Variants in FGD4 observed in about 807,000 individuals in gnomAD.
The protein encoded by FGD4 is FYVE, RhoGEF and PH domain containing 4.
Under a neutral mutation model 102.0 loss-of-function variants are expected in FGD4, and 42 were observed. That is an observed-to-expected ratio of 0.41 (90% CI 0.32 to 0.53). The LOEUF (loss-of-function observed/expected upper bound fraction) is 0.53. Among genes scored for constraint, FGD4 ranks in the 20% least tolerant of loss-of-function variants. The pLI is 0.21. For synonymous variants in FGD4, 380 were observed against 375.7 expected, an observed-to-expected ratio of 1.01 and a Z score of -0.13; for missense variants, 902 against 1,078.2, an observed-to-expected ratio of 0.84 and a Z score of 2.29.
chr12:32,562,557 C>CGGCCTT (rs1944703933), intron 1 of FGD4, among the ~76,000 whole-genome samples: 1 of 152,108 alleles, frequency 6.6e-6, no homozygotes, highest in Non-Finnish European at 1.5e-5. Context: ...GAGGACCCTG[C>CGGCCTT]GGCCTTCCGC....
In FGD4 at chr12:32,565,307, T is replaced by C. The variant is rs183665865; in HGVS notation, c.319+1018T>C. 2.1e-3 allele frequency among the ~76,000 whole-genome samples: 318 copies of C among 152,332 alleles called. 3 individuals carry two copies. The highest frequency in any genetic ancestry group is 3.5e-3 in the Non-Finnish European group (240 of 68,026). On this transcript the variant is annotated intron_variant, in intron 2 of 16. Transcript: ENST00000534526. The stretch of plus-strand genomic sequence containing the variant: ...CACTACAATTATATTTGTGGTGGTA[T>C]GGAATATCACTATCAAGCAAGGTCA...
chr12:32,619,568 C>T (rs974155919), intron 10 of FGD4, 130 bp from the exon 11 acceptor site: 27 of 1,022,818 alleles, frequency 2.6e-5, no homozygotes, highest in Non-Finnish European at 3.7e-5. Flanking sequence ...GGAGGCAGAG[C>T]TTACAATGAG....
intron 10 of FGD4, among the ~76,000 whole-genome samples, chr12:32,614,886 T>C (rs1224912703): frequency 6.6e-6 from 1 of 152,240 alleles, no homozygotes; most frequent in Non-Finnish European, 1.5e-5. Flanking sequence ...ATTCCATTTT[T>C]CCACAAACTT....
chr12:32,445,770 T>C, intron 1 of FGD4, among the ~76,000 whole-genome samples: 1 of 152,178 alleles, frequency 6.6e-6, no homozygotes, highest in South Asian at 2.1e-4. Flanking sequence ...TAAACACAGA[T>C]TCAAAATAAC....
At position 32,601,287 on chromosome 12, in the gene FGD4, T is replaced by C; in HGVS notation, c.1111T>C (p.Cys371Arg). The C allele has an allele frequency of 6.2e-7, 1 of 1,614,112 alleles. No homozygotes were observed. The highest frequency in any genetic ancestry group is 8.5e-7 in the Non-Finnish European group (1 of 1,179,980). Residue 371 changes from cysteine to arginine, a missense_variant, in exon 6 of 17, where the codon TGC (cysteine) becomes CGC (arginine). By Grantham distance (180) the Cys-to-Arg change is radical. Coordinates refer to ENST00000534526, the MANE Select transcript of FGD4 (RefSeq NM_001370298.3). ...TTATTCTTTTATTCAGGTATTTTAT[T>C]GCAAACTGTTGGAAGAAGCAAACCG... ...RLDLLDQVFY[C>R]KLLEEANRGS...
chr12:32,623,726 C>T (rs370651039), intron 11 of FGD4, among the ~76,000 whole-genome samples: 1 of 152,246 alleles, frequency 6.6e-6, no homozygotes, highest in African/African-American at 2.4e-5. Flanking sequence ...AAGCCAGCAA[C>T]GTAACCTACC....
intron 1 of FGD4, among the ~76,000 whole-genome samples, chr12:32,406,571 A>C (rs1940943612): frequency 6.6e-6 from 1 of 151,854 alleles, no homozygotes; most frequent in African/African-American, 2.4e-5. Context: ...TTTAAAAAAA[A>C]AGAAAAAATT....
At chr12:32,527,182 T>C (rs938168116) in intron 1 of FGD4, among the ~76,000 whole-genome samples, 6 of 152,212 alleles carry the variant, frequency 3.9e-5, no homozygotes, top group African/African-American at 1.4e-4. Context: ...TAGGATGCTC[T>C]TTTAAAAAAT....
intron 1 of FGD4, among the ~76,000 whole-genome samples, chr12:32,462,112 T>C (rs1229808109): frequency 6.6e-6 from 1 of 152,218 alleles, no homozygotes. Flanking sequence ...AAGTAAACAC[T>C]GTATATCTGT....
At chr12:32,463,349 C>T (rs1444145087) in intron 1 of FGD4, among the ~76,000 whole-genome samples, 3 of 152,132 alleles carry the variant, frequency 2.0e-5, no homozygotes, top group African/African-American at 7.2e-5. Flanking sequence ...AACAAAAACC[C>T]CTTCACTATG....
chr12:32,625,159 C>G lies in FGD4; in HGVS notation c.2046+91C>G, dbSNP rs1950071255. Reference sequence around the variant, plus strand: ...AATCATTTTGTTCTCCAACCTTTTCCCTTTACAATGTCAGAACTGGCTGGT... The same window carrying G: ...AATCATTTTGTTCTCCAACCTTTTCGCTTTACAATGTCAGAACTGGCTGGT... On this transcript the variant is annotated intron_variant, in intron 13 of 16. Coordinates refer to ENST00000534526, the MANE Select transcript of FGD4 (RefSeq NM_001370298.3). 6.3e-6 allele frequency: 7 copies of G among 1,117,824 alleles called. No homozygotes were observed. In the South Asian group the frequency reaches 8.8e-5, roughly 14 times the overall value. The allele number at this position is 1,117,824 out of a possible 1,614,324, so 69.2% of individuals were successfully genotyped here. A position where few individuals can be genotyped will look rare whatever the true frequency, so the allele number is the denominator to read the frequency against.
At chr12:32,528,097 C>A (rs1042327392) in intron 1 of FGD4, among the ~76,000 whole-genome samples, 7 of 152,096 alleles carry the variant, frequency 4.6e-5, no homozygotes, top group East Asian at 1.9e-4. Context: ...TCCCACCACA[C>A]CTGGCTGATT....
chr12:32,586,226 T>A (rs577489809), intron 4 of FGD4, among the ~76,000 whole-genome samples: 1 of 152,266 alleles, frequency 6.6e-6, no homozygotes, highest in East Asian at 1.9e-4. Flanking sequence ...AGTTTGGAAG[T>A]TTAAAAAGTT....
chr12:32,537,174 C>G (rs936118636), intron 1 of FGD4, among the ~76,000 whole-genome samples: 21 of 152,202 alleles, frequency 1.4e-4, no homozygotes, highest in Non-Finnish European at 2.9e-5. Flanking sequence ...TCCCAAAGTG[C>G]TGGGATTACA....
At chr12:32,412,319 A>G (rs1362619106) in intron 1 of FGD4, among the ~76,000 whole-genome samples, 2 of 152,232 alleles carry the variant, frequency 1.3e-5, no homozygotes, top group African/African-American at 4.8e-5. Flanking sequence ...GAGAGAAGGA[A>G]AAAGTATTGT....
intron 1 of FGD4, among the ~76,000 whole-genome samples, chr12:32,404,841 T>G (rs1322351232): frequency 6.6e-6 from 1 of 152,194 alleles, no homozygotes; most frequent in Admixed American, 6.5e-5. Context: ...CATTAATGCT[T>G]CTTAGAAGCT....
At chr12:32,562,224 T>C (rs946993479) in intron 1 of FGD4, among the ~76,000 whole-genome samples, 1 of 152,234 alleles carries the variant, frequency 6.6e-6, no homozygotes, top group African/African-American at 2.4e-5. Flanking sequence ...TCTGTGGCCC[T>C]GCAAGGAGAG....
At chr12:32,483,439 C>T (rs1943814618) in intron 1 of FGD4, among the ~76,000 whole-genome samples, 1 of 152,160 alleles carries the variant, frequency 6.6e-6, no homozygotes, top group Admixed American at 6.6e-5. Context: ...TGTAAAGATA[C>T]ATAAAAATCT....
chr12:32,611,589 C>A (rs1287730881), intron 10 of FGD4, among the ~76,000 whole-genome samples: 1 of 151,496 alleles, frequency 6.6e-6, no homozygotes, highest in Non-Finnish European at 1.5e-5. Context: ...GAGACTCCAT[C>A]TAAAAAAAAG....
Sources: gnomAD v4.1 joint callset for allele counts (sites outside exome capture counted in the v4.1 genomes callset) on GRCh38, gnomAD v4.1.1 for gene constraint, MANE v1.5 for transcripts, NCBI Gene and HGNC (gene_info 2026-07-23, HGNC 2026-07-21) for gene names.